The following GTF2H1 variants were observed in gnomAD, a reference collection of about 807,000 sequenced individuals.
GTF2H1 encodes general transcription factor IIH subunit 1, also known as BTF2 p62.
GTF2H1 carries 16 observed loss-of-function variants against 71.2 expected under a neutral mutation model. That is an observed-to-expected ratio of 0.22 (90% CI 0.15 to 0.34). The LOEUF is 0.34. GTF2H1 is among the 10% of genes least tolerant of loss of function. GTF2H1 has a pLI of 1.00. For synonymous variants in GTF2H1, 215 were observed against 219.0 expected (o/e 0.98, Z 0.16); for missense variants, 498 against 648.2 (o/e 0.77, Z 2.52).
chr11:18,340,940 A>G (rs190247549), intron 5 of GTF2H1, among the ~76,000 whole-genome samples: 140 of 152,310 alleles, frequency 9.2e-4, no homozygotes, highest in Middle Eastern at 3.4e-3. Flanking sequence ...AGTGCCTTGG[A>G]TTGAGAGTGC....
At chr11:18,365,051 A>C (rs1865785558) in intron 14 of GTF2H1, among the ~76,000 whole-genome samples, 1 of 149,704 alleles carries the variant, frequency 6.7e-6, no homozygotes, top group African/African-American at 2.5e-5. Context: ...GCAGCATAGC[A>C]AGAGTCCATC....
intron 11 of GTF2H1, among the ~76,000 whole-genome samples, chr11:18,355,752 C>T (rs1435302408): frequency 2.6e-5 from 4 of 151,272 alleles, no homozygotes; most frequent in African/African-American, 4.9e-5. Context: ...TGAGCTCAAG[C>T]GATCCACCTG....
chr11:18,357,211 C>T (rs547140233), intron 11 of GTF2H1, among the ~76,000 whole-genome samples: 3 of 152,176 alleles, frequency 2.0e-5, no homozygotes, highest in African/African-American at 7.2e-5. Flanking sequence ...ATTTGTTCCT[C>T]CCTATAGCAG....
intron 7 of GTF2H1, 159 bp downstream of exon 7, chr11:18,341,766 T>G: frequency 1.9e-6 from 1 of 523,910 alleles, no homozygotes; most frequent in Non-Finnish European, 3.4e-6. Context: ...ATAGCGTTGT[T>G]TGCCATTAAA....
chr11:18,350,931 A>G (rs368816340), intron 9 of GTF2H1, among the ~76,000 whole-genome samples: 6 of 152,256 alleles, frequency 3.9e-5, no homozygotes, highest in African/African-American at 1.4e-4. Flanking sequence ...AATTACTAAA[A>G]GAGTCCAGAA....
chr11:18,365,898 AG>A lies in GTF2H1; in HGVS notation c.*30del. ...GGCCATGATGCTTACAGGTTTTGTG[AG>A]ATTGAGAGAACTATGACCTGCAGCA... On this transcript the variant is annotated 3_prime_UTR_variant, in exon 15 of 15. Coordinates refer to ENST00000265963, the MANE Select transcript of GTF2H1 (RefSeq NM_005316.4). The A allele has an allele frequency of 6.6e-7, 1 of 1,505,916 alleles. No individual in the cohort carries two copies. The highest frequency in any genetic ancestry group is 9.2e-7 in the Non-Finnish European group (1 of 1,082,756). The allele number at this position is 1,505,916 out of a possible 1,614,324, so 93.3% of individuals were successfully genotyped here.
intron 7 of GTF2H1, among the ~76,000 whole-genome samples, chr11:18,343,079 G>A (rs1238896893): frequency 2.0e-5 from 3 of 152,040 alleles, no homozygotes; most frequent in African/African-American, 7.2e-5. Context: ...ATGCCACCAC[G>A]CCAGGCTAAT....
intron 7 of GTF2H1, among the ~76,000 whole-genome samples, chr11:18,346,380 C>G (rs550475970): frequency 2.0e-5 from 3 of 152,134 alleles, no homozygotes; most frequent in Non-Finnish European, 4.4e-5. Context: ...GTTATTGTCT[C>G]CGATCTACTT....
At chr11:18,353,822 C>T (rs967009227) in intron 11 of GTF2H1, among the ~76,000 whole-genome samples, 5 of 152,130 alleles carry the variant, frequency 3.3e-5, no homozygotes, top group African/African-American at 1.2e-4. Flanking sequence ...TTTCCCTTTA[C>T]CCCTAAATAT....
At chr11:18,329,260 C>A (rs1284885131) in intron 1 of GTF2H1, among the ~76,000 whole-genome samples, 1 of 152,204 alleles carries the variant, frequency 6.6e-6, no homozygotes, top group Non-Finnish European at 1.5e-5. Flanking sequence ...CTACATAATG[C>A]AGACTATCTC....
rs144898230 is a variant in GTF2H1, at chr11:18,339,636, A to G, written c.586A>G (p.Ile196Val). 1 of 1,600,122 alleles carries G rather than the reference A, an allele frequency of 6.2e-7. No homozygotes were observed. The highest frequency in any genetic ancestry group is 1.1e-5 in the South Asian group (1 of 90,762). Residue 196 changes from isoleucine (I) to valine (V), a missense_variant, in exon 5 of 15, where the codon ATA (isoleucine) becomes GTA (valine). Ile to Val is a conservative substitution (Grantham distance 29). Coordinates refer to ENST00000265963, the MANE Select transcript of GTF2H1 (RefSeq NM_005316.4). ...YNLTSDIIES[I>V]FRTYPAVKMK... Reference sequence around the variant, plus strand: ...TTTAACTTCTGATATCATTGAGTCCATATTTAGGACCTATCCAGCAGGTAA... The same window carrying G: ...TTTAACTTCTGATATCATTGAGTCCGTATTTAGGACCTATCCAGCAGGTAA...
At chr11:18,324,048 C>T (rs900763665) in intron 1 of GTF2H1, among the ~76,000 whole-genome samples, 1 of 105,512 alleles carries the variant, frequency 9.5e-6, no homozygotes, top group African/African-American at 3.7e-5. Context: ...CTCACTCAGC[C>T]GACATTTTTT....
At chr11:18,361,912 G>A (rs1172250702) in intron 14 of GTF2H1, among the ~76,000 whole-genome samples, 1 of 152,164 alleles carries the variant, frequency 6.6e-6, no homozygotes, top group Non-Finnish European at 1.5e-5. Flanking sequence ...TTTTAGCATT[G>A]TATTTAAAAC....
intron 7 of GTF2H1, among the ~76,000 whole-genome samples, chr11:18,343,798 C>T (rs1365477259): frequency 3.3e-5 from 5 of 152,106 alleles, no homozygotes; most frequent in Non-Finnish European, 7.4e-5. Flanking sequence ...TTACAATTTG[C>T]TCAAGCCAAA....
At chr11:18,350,438 TA>T (rs5790034) in intron 9 of GTF2H1, among the ~76,000 whole-genome samples, 93,971 of 149,474 alleles carry the variant, frequency 0.63, 30,588 homozygotes, top group East Asian at 0.96. Context: ...AGAAAGTAGT[TA>T]AAAAAAAAAA....
chr11:18,335,778 A>G lies in GTF2H1; in HGVS notation c.179A>G (p.Lys60Arg). 2 of 1,613,592 alleles carry G rather than the reference A, an allele frequency of 1.2e-6. No homozygotes were observed. Among genetic ancestry groups the G allele is most frequent in the Non-Finnish European group, 1.7e-6 (2 of 1,179,836 alleles). Residue 60 changes from lysine (K) to arginine (R), a missense_variant, in exon 3 of 15, where the codon AAA becomes AGA. By Grantham distance (26) the Lys-to-Arg change is conservative. Around this residue, in one of 3 missense-constraint regions of GTF2H1, gnomAD observed 216 missense variants for 306.2 expected, o/e 0.71. Transcript: ENST00000265963. The stretch of plus-strand genomic sequence containing the variant: ...GGCCAGAAAATTAGTCCAGAAGGAA[A>G]AGCTAAAATTCAGCTTCAGCTGGTC... ...IKCQKISPEG[K>R]AKIQLQLVLH...
chr11:18,354,980 T>C (rs539456716), intron 11 of GTF2H1, among the ~76,000 whole-genome samples: 115 of 151,968 alleles, frequency 7.6e-4, no homozygotes, highest in African/African-American at 2.7e-3. Flanking sequence ...GGCAAAGTTT[T>C]TGTATTTTTG....
chr11:18,333,911 T>TTA (rs1268065991), intron 2 of GTF2H1, among the ~76,000 whole-genome samples: 1 of 152,192 alleles, frequency 6.6e-6, no homozygotes, highest in Non-Finnish European at 1.5e-5. Context: ...AGACTCAACC[T>TTA]TATAGTGAAT....
chr11:18,352,002 T>C (rs1865439062), intron 10 of GTF2H1, 33 bp downstream of exon 10: 4 of 1,100,514 alleles, frequency 3.6e-6, no homozygotes, highest in Non-Finnish European at 5.6e-6. Flanking sequence ...AGAATAGCTA[T>C]GTAACAATTC....
Sources: allele counts gnomAD v4.1 joint callset (sites outside exome capture counted in the v4.1 genomes callset), GRCh38; gene constraint gnomAD v4.1.1; regional missense constraint gnomAD v4.1.1; transcripts MANE v1.5; gene names NCBI Gene and HGNC (gene_info 2026-07-23, HGNC 2026-07-21).